The following COMMD1 variants were observed in gnomAD, a reference collection of about 807,000 sequenced individuals.
COMMD1 encodes COMM domain-containing protein 1.
COMMD1 carries 10 observed loss-of-function variants against 17.2 expected under a neutral mutation model. That is an observed-to-expected ratio of 0.58 (90% CI 0.36 to 0.99). COMMD1 has a LOEUF of 0.99. Among genes scored for constraint, COMMD1 ranks in the 50% least tolerant of loss-of-function variants. COMMD1 has a pLI of 0.01. For missense variants in COMMD1, 270 were observed against 231.8 expected, an observed-to-expected ratio of 1.17 and a Z score of -1.07; for synonymous variants, 97 against 91.6, an observed-to-expected ratio of 1.06 and a Z score of -0.34.
intron 1 of COMMD1, among the ~76,000 whole-genome samples, chr2:61,929,552 C>G (rs368123855): frequency 6.6e-6 from 1 of 152,186 alleles, no homozygotes; most frequent in Non-Finnish European, 1.5e-5. Flanking sequence ...TCTCCTCTCT[C>G]CATCAAACCT....
At chr2:61,965,695 C>T (rs1671486873) in intron 1 of COMMD1, among the ~76,000 whole-genome samples, 1 of 152,104 alleles carries the variant, frequency 6.6e-6, no homozygotes, top group Non-Finnish European at 1.5e-5. Context: ...TGGTTGCTGC[C>T]AGGGGTTGAG....
chr2:61,984,730 T>C (rs1672056473), intron 1 of COMMD1, among the ~76,000 whole-genome samples: 1 of 152,210 alleles, frequency 6.6e-6, no homozygotes, highest in African/African-American at 2.4e-5. Context: ...GTCTAGATGA[T>C]CTGTCTAATA....
chr2:61,958,308 C>G (rs900453338), intron 1 of COMMD1, among the ~76,000 whole-genome samples: 45 of 151,256 alleles, frequency 3.0e-4, no homozygotes, highest in African/African-American at 1.1e-3. Flanking sequence ...CTCTTGTTGC[C>G]CAGGCTGGAG....
chr2:62,068,741 C>T (rs572650058), intron 2 of COMMD1, among the ~76,000 whole-genome samples: 22 of 150,376 alleles, frequency 1.5e-4, no homozygotes, highest in South Asian at 8.4e-4. Flanking sequence ...TCTCCTGTCT[C>T]GCCTTCCTGA....
chr2:61,962,440 T>G (rs1671375815), intron 1 of COMMD1, among the ~76,000 whole-genome samples: 1 of 152,130 alleles, frequency 6.6e-6, no homozygotes, highest in African/African-American at 2.4e-5. Flanking sequence ...CCCTAGATAG[T>G]TTATGCTAAT....
Position 62,110,022 on chromosome 2 carries a change from G to A in COMMD1, c.463-25809G>A, listed in dbSNP as rs7605408. Among the ~76,000 whole-genome samples, 1,040 of 147,466 alleles carry A rather than the reference G, an allele frequency of 7.1e-3. 12 individuals carry two copies. The highest frequency in any genetic ancestry group is 0.024 in the African/African-American group (970 of 39,818). On this transcript the variant is annotated intron_variant, in intron 2 of 2. Coordinates refer to ENST00000311832, the MANE Select transcript of COMMD1 (RefSeq NM_152516.4). ...TCAAGTGATCCTCCTGCCTCCCAAG[G>A]TGTTGCGATTATAGGTGTGAGCCAC...
intron 1 of COMMD1, among the ~76,000 whole-genome samples, chr2:61,981,127 C>T (rs909501099): frequency 1.3e-5 from 2 of 151,866 alleles, no homozygotes; most frequent in African/African-American, 4.8e-5. Context: ...TGATGGCTTC[C>T]TTTGCTGTGC....
intron 2 of COMMD1, chr2:62,070,101 C>G (rs1671158729): frequency 6.6e-6 from 1 of 152,218 alleles, no homozygotes; most frequent in African/African-American, 2.4e-5. Context: ...TTCTGACCAA[C>G]TGGCTATAAA....
chr2:62,037,241 C>T (rs1011633304), intron 2 of COMMD1, among the ~76,000 whole-genome samples: 2 of 152,158 alleles, frequency 1.3e-5, no homozygotes, highest in Non-Finnish European at 2.9e-5. Flanking sequence ...TCATAAGATG[C>T]TCTCTGCATA....
intron 2 of COMMD1, among the ~76,000 whole-genome samples, chr2:62,101,769 C>A (rs1181294948): frequency 6.6e-6 from 1 of 152,130 alleles, no homozygotes; most frequent in East Asian, 1.9e-4. Context: ...AGGAGGAACT[C>A]CAAAAGCTTC....
chr2:62,062,449 A>G (rs1056597476), intron 2 of COMMD1, among the ~76,000 whole-genome samples: 8 of 151,894 alleles, frequency 5.3e-5, no homozygotes, highest in Non-Finnish European at 1.2e-4. Context: ...GCTGGTCGCC[A>G]ACTCCTTTCC....
At chr2:61,985,033 A>G (rs1188727076) in intron 1 of COMMD1, among the ~76,000 whole-genome samples, 2 of 136,808 alleles carry the variant, frequency 1.5e-5, no homozygotes, top group Non-Finnish European at 3.2e-5. Context: ...TTTTTAGTCT[A>G]TGTGTGTCTT....
At chr2:62,104,633 C>CAAAAAAAAAAAAAAAAAAAACAAAAA in intron 2 of COMMD1, among the ~76,000 whole-genome samples, 1 of 76,750 alleles carries the variant, frequency 1.3e-5, no homozygotes, top group Non-Finnish European at 2.6e-5. Flanking sequence ...GACTCCGTCT[C>CAAAAAAAAAAAAAAAAAAAACAAAAA]AAAAAAAAAA....
intron 2 of COMMD1, among the ~76,000 whole-genome samples, chr2:62,103,414 A>G (rs1672240484): frequency 6.6e-6 from 1 of 152,230 alleles, no homozygotes; most frequent in Admixed American, 6.5e-5. Flanking sequence ...CTTTTCTTCT[A>G]TTAATCTGCC....
intron 1 of COMMD1, among the ~76,000 whole-genome samples, chr2:61,899,539 G>C (rs1413165777): frequency 6.6e-6 from 1 of 152,042 alleles, no homozygotes; most frequent in Non-Finnish European, 1.5e-5. Context: ...CTGTTAACCT[G>C]TCTTAATGTT....
At chr2:62,065,907 A>G (rs1437533747) in intron 2 of COMMD1, among the ~76,000 whole-genome samples, 7 of 152,218 alleles carry the variant, frequency 4.6e-5, no homozygotes, top group African/African-American at 1.2e-4. Context: ...CTTGAAAGCT[A>G]TGAAAGAAAA....
intron 2 of COMMD1, among the ~76,000 whole-genome samples, chr2:62,073,752 G>A (rs903086990): frequency 6.6e-6 from 1 of 152,306 alleles, no homozygotes; most frequent in South Asian, 2.1e-4. Flanking sequence ...AGGCTGGAGT[G>A]CAGTGGTGCG....
At chr2:61,900,519 G>A (rs1207653322) in intron 1 of COMMD1, among the ~76,000 whole-genome samples, 1 of 152,144 alleles carries the variant, frequency 6.6e-6, no homozygotes, top group Non-Finnish European at 1.5e-5. Context: ...CTATAATTTG[G>A]TATCTTATTG....
chr2:62,100,845 T>C (rs1672159696), intron 2 of COMMD1, among the ~76,000 whole-genome samples: 1 of 152,196 alleles, frequency 6.6e-6, no homozygotes, highest in Non-Finnish European at 1.5e-5. Context: ...GCTATGTTAA[T>C]AGAGATTCTT....
Sources: allele counts gnomAD v4.1 joint callset (sites outside exome capture counted in the v4.1 genomes callset), GRCh38; gene constraint gnomAD v4.1.1; transcripts MANE v1.5; gene names NCBI Gene and HGNC (gene_info 2026-07-23, HGNC 2026-07-21).